PXDNL: variants seen among roughly 807,000 people sequenced by gnomAD.
PXDNL encodes probable oxidoreductase PXDNL.
A neutral mutation model predicts 150.8 loss-of-function variants in PXDNL; 145 were observed. That is an observed-to-expected ratio of 0.96 (90% confidence interval 0.84 to 1.10). The LOEUF is 1.10. Ranked by LOEUF, PXDNL falls within the 50% of genes least tolerant of loss-of-function variation. PXDNL has a pLI of 0.00. For missense variants in PXDNL, 2,087 were observed against 1,873.9 expected (o/e 1.11, Z -2.10); for synonymous variants, 757 against 725.7 (o/e 1.04, Z -0.69).
At chr8:51,770,364 C>A (rs2037279584) in intron 1 of PXDNL, among the ~76,000 whole-genome samples, 1 of 152,170 alleles carries the variant, frequency 6.6e-6, no homozygotes, top group South Asian at 2.1e-4. Flanking sequence ...ACAGTCTTGG[C>A]CTTCATGGAG....
chr8:51,600,592 T>C (rs187486948), intron 2 of PXDNL, among the ~76,000 whole-genome samples: 13,769 of 132,830 alleles, frequency 0.1, 1,185 homozygotes, highest in Admixed American at 0.22. Flanking sequence ...ATATCTTATA[T>C]AAATTATATC....
chr8:51,493,943 C>T (rs1469873673), intron 5 of PXDNL, among the ~76,000 whole-genome samples: 1 of 152,162 alleles, frequency 6.6e-6, no homozygotes, highest in Admixed American at 6.5e-5. Context: ...CACAAAGATA[C>T]TCCTCAAGAA....
chr8:51,454,881 A>G (rs921530214), intron 9 of PXDNL, among the ~76,000 whole-genome samples: 1 of 152,168 alleles, frequency 6.6e-6, no homozygotes, highest in African/African-American at 2.4e-5. Context: ...GTAAAACCAC[A>G]ACATGCCTCG....
At chr8:51,450,815 T>G (rs902032839) in intron 10 of PXDNL, among the ~76,000 whole-genome samples, 5 of 152,102 alleles carry the variant, frequency 3.3e-5, no homozygotes, top group African/African-American at 1.2e-4. Flanking sequence ...AAATTCAGAC[T>G]CTGGGAGGTA....
chr8:51,682,119 T>C (rs1815762968), intron 1 of PXDNL, among the ~76,000 whole-genome samples: 1 of 152,222 alleles, frequency 6.6e-6, no homozygotes, highest in Non-Finnish European at 1.5e-5. Flanking sequence ...ATAAATGCTA[T>C]GGTTTAAAAA....
At chr8:51,551,496 GA>G (rs1296379207) in intron 4 of PXDNL, among the ~76,000 whole-genome samples, 5 of 152,088 alleles carry the variant, frequency 3.3e-5, no homozygotes, top group Admixed American at 6.6e-5. Flanking sequence ...ACAATGGAAT[GA>G]AATAGAGAAC....
rs554215588 is a variant in PXDNL at position 51,719,335 on chromosome 8, C to CCTTA, written c.165-64579_165-64576dup. Among the ~76,000 whole-genome samples, 880 of 152,284 alleles carry CCTTA rather than the reference C, an allele frequency of 5.8e-3. 11 individuals are homozygous for CCTTA. Among genetic ancestry groups the CCTTA allele is most frequent in the African/African-American group, 0.02 (838 of 41,552 alleles). ...GCCTTGGGATGCTGTTGATCTATGACCTTACCCCCAACCTGGTGCTCTCTA... is the reference window on the plus strand; with the variant it reads ...GCCTTGGGATGCTGTTGATCTATGACCTTACTTACCCCCAACCTGGTGCTCTCTA... On this transcript the variant is annotated intron_variant, in intron 1 of 22. Transcript: ENST00000356297.
chr8:51,449,808 C>T (rs1809762235), intron 10 of PXDNL, among the ~76,000 whole-genome samples: 2 of 152,152 alleles, frequency 1.3e-5, no homozygotes, highest in South Asian at 2.1e-4. Flanking sequence ...AAAGAACTTT[C>T]GCAGATGACT....
intron 1 of PXDNL, among the ~76,000 whole-genome samples, chr8:51,712,151 T>C (rs1223837841): frequency 6.6e-6 from 1 of 152,186 alleles, no homozygotes; most frequent in East Asian, 1.9e-4. Flanking sequence ...TGTCTGGGTG[T>C]GGTAACATGG....
chr8:51,382,480 T>A (rs1348851865), intron 17 of PXDNL, among the ~76,000 whole-genome samples: 2 of 152,180 alleles, frequency 1.3e-5, no homozygotes, highest in African/African-American at 4.8e-5. Context: ...TCACTCCTAA[T>A]TTTTAAAACA....
In PXDNL at chr8:51,531,831, A is replaced by G. The variant is rs534615002; in HGVS notation, c.380+25009T>C. Among the ~76,000 whole-genome samples, 3 of 152,366 alleles carry G rather than the reference A, an allele frequency of 2.0e-5. No individual in the cohort carries two copies. In the South Asian group the frequency reaches 6.2e-4, roughly 32 times the overall value. ...TTGTCATCACACACCACAGTAGACA[A>G]CACACAAGTTCAAGTATAGAAACAG... On this transcript the variant is annotated intron_variant, in intron 4 of 22. Transcript: ENST00000356297.
At chr8:51,500,238 T>C (rs565022705) in intron 4 of PXDNL, among the ~76,000 whole-genome samples, 14 of 152,354 alleles carry the variant, frequency 9.2e-5, no homozygotes, top group African/African-American at 3.4e-4. Flanking sequence ...ATGATCATCA[T>C]ACTTGAAATG....
chr8:51,576,211 AAAAC>A (rs1268987826), intron 3 of PXDNL, among the ~76,000 whole-genome samples: 3 of 151,010 alleles, frequency 2.0e-5, no homozygotes, highest in South Asian at 2.1e-4. Flanking sequence ...AAAAAAAAAA[AAAAC>A]AAACAAAAAA....
chr8:51,464,077 T>C (rs1210343382), intron 8 of PXDNL, among the ~76,000 whole-genome samples: 1 of 150,800 alleles, frequency 6.6e-6, no homozygotes, highest in Non-Finnish European at 1.5e-5. Flanking sequence ...AGAAAAAATA[T>C]AACTGACTGG....
intron 1 of PXDNL, among the ~76,000 whole-genome samples, chr8:51,662,260 C>T (rs2130814285): frequency 6.6e-6 from 1 of 152,200 alleles, no homozygotes; most frequent in East Asian, 1.9e-4. Flanking sequence ...TGGCTCATAC[C>T]TATAATCCCA....
intron 17 of PXDNL, among the ~76,000 whole-genome samples, chr8:51,393,956 C>T (rs1282185498): frequency 1.3e-5 from 2 of 152,170 alleles, no homozygotes; most frequent in African/African-American, 4.8e-5. Flanking sequence ...TATGGTAATT[C>T]ATTACAGCAG....
At chr8:51,660,744 G>A (rs1215812043) in intron 1 of PXDNL, among the ~76,000 whole-genome samples, 5 of 152,186 alleles carry the variant, frequency 3.3e-5, no homozygotes, top group Admixed American at 6.5e-5. Flanking sequence ...CTACCATGAA[G>A]GGCAGGAGGG....
intron 3 of PXDNL, among the ~76,000 whole-genome samples, chr8:51,565,394 T>C (rs1224857201): frequency 6.6e-6 from 1 of 151,726 alleles, no homozygotes; most frequent in East Asian, 1.9e-4. Context: ...AACCACACAA[T>C]AGGTGGAGGC....
intron 7 of PXDNL, 34 bp from the exon 8 acceptor site, chr8:51,472,338 A>C (rs763814115): frequency 1.3e-6 from 2 of 1,532,176 alleles, no homozygotes; most frequent in East Asian, 4.5e-5. Flanking sequence ...TATTTTTCAG[A>C]GATACAAAAT....
Sources: allele counts gnomAD v4.1 joint callset (sites outside exome capture counted in the v4.1 genomes callset), GRCh38; gene constraint gnomAD v4.1.1; transcripts MANE v1.5; gene names NCBI Gene and HGNC (gene_info 2026-07-23, HGNC 2026-07-21).